The following FANCB variants were observed in gnomAD, a reference collection of about 807,000 sequenced individuals.
The protein encoded by FANCB is Fanconi anemia group B protein.
A neutral mutation model predicts 38.9 loss-of-function variants in FANCB; 5 were observed. The ratio of observed to expected loss-of-function variants is 0.13; its 90% CI spans 0.07 to 0.27. The LOEUF is 0.27. Among genes scored for constraint, FANCB ranks in the 10% least tolerant of loss-of-function variants. The pLI, the probability that FANCB is intolerant of heterozygous loss-of-function variation, is 1.00. For missense variants in FANCB, 573 were observed against 602.7 expected (o/e 0.95, Z 0.52); for synonymous variants, 236 against 215.4 (o/e 1.10, Z -0.84).
chrX:14,757,892 G>A, the FANCB span, among the ~76,000 whole-genome samples: 1 of 111,564 alleles, frequency 9.0e-6, no homozygotes, highest in Non-Finnish European at 1.9e-5. Flanking sequence ...GCAGGCAGGC[G>A]GCAGACGGAG....
At position 14,869,009 on chromosome X, in the gene FANCB, T is replaced by A. The variant is rs943631550; in HGVS notation, c.-157A>T. On this transcript the variant is annotated 5_prime_UTR_variant, in exon 2 of 10. Transcript: ENST00000650831. ...AGCTTCATCAGTAAAGAAGATAGGGTAGGTAAATCAAAGGTCTGGCTTGTA... is the reference window on the plus strand; with the variant it reads ...AGCTTCATCAGTAAAGAAGATAGGGAAGGTAAATCAAAGGTCTGGCTTGTA... 9.0e-6 allele frequency: 1 copy of A among 111,565 alleles called. No individual in the cohort carries two copies. Among genetic ancestry groups the A allele is most frequent in the Non-Finnish European group, 1.9e-5 (1 of 52,960 alleles). The allele number at this position is 111,565 out of a possible 1,213,427, so 9.2% of individuals were successfully genotyped here. A position where few individuals can be genotyped will look rare whatever the true frequency, so the allele number is the denominator to read the frequency against.
the FANCB span, among the ~76,000 whole-genome samples, chrX:14,705,391 T>G: frequency 8.9e-6 from 1 of 111,768 alleles, no homozygotes; most frequent in East Asian, 2.8e-4. Flanking sequence ...TTGGGGACTG[T>G]GTGTGTTGCT....
intron 10 of FANCB, among the ~76,000 whole-genome samples, chrX:14,837,864 CT>C (rs2092345242): frequency 8.9e-6 from 1 of 111,788 alleles, no homozygotes; most frequent in Admixed American, 9.4e-5. Context: ...ATTATTTAAC[CT>C]GTCTCAGTCT....
chrX:14,862,934 T>C (rs1009314887), intron 3 of FANCB, among the ~76,000 whole-genome samples: 1 of 112,181 alleles, frequency 8.9e-6, no homozygotes, highest in Non-Finnish European at 1.9e-5. Context: ...GTTTTTCCCC[T>C]ACCATTTCTT....
At chrX:14,726,337 A>G in the FANCB span, among the ~76,000 whole-genome samples, 1 of 112,333 alleles carries the variant, frequency 8.9e-6, no homozygotes, top group Non-Finnish European at 1.9e-5. Context: ...TGAATACCAT[A>G]AAGTTCTATA....
the FANCB span, among the ~76,000 whole-genome samples, chrX:14,741,562 G>C: frequency 6.3e-5 from 7 of 111,657 alleles, no homozygotes. Context: ...GGCACAAGAA[G>C]CACCAAGTGC....
the FANCB span, among the ~76,000 whole-genome samples, chrX:14,794,148 AGTCAAAGACAGCC>A: frequency 9.0e-6 from 1 of 111,648 alleles, no homozygotes; most frequent in Non-Finnish European, 1.9e-5. Context: ...CAGGTTGAAG[AGTCAAAGACAGCC>A]CCAGCCAAGG....
At chrX:14,855,564 G>C (rs1162173128) in intron 5 of FANCB, among the ~76,000 whole-genome samples, 1 of 111,627 alleles carries the variant, frequency 9.0e-6, no homozygotes, top group African/African-American at 3.3e-5. Context: ...AATTTGCTCT[G>C]TATCTCTTTC....
the FANCB span, among the ~76,000 whole-genome samples, chrX:14,791,552 C>G: frequency 1.0e-3 from 113 of 111,942 alleles, no homozygotes; most frequent in Non-Finnish European, 1.6e-3. Flanking sequence ...ACAGACACTG[C>G]TGTGTGAAAT....
chrX:14,690,681 G>C, the FANCB span: 2 of 979,538 alleles, frequency 2.0e-6, no homozygotes, highest in African/African-American at 1.9e-5. Context: ...CTCTCTCTGT[G>C]TGTGTGTGTG....
At chrX:14,712,935 T>C in the FANCB span, among the ~76,000 whole-genome samples, 1 of 112,055 alleles carries the variant, frequency 8.9e-6, no homozygotes, top group Admixed American at 9.5e-5. Flanking sequence ...AAGTTTCTCT[T>C]ACTGAAAAAT....
chrX:14,749,863 C>G, the FANCB span, among the ~76,000 whole-genome samples: 3 of 112,198 alleles, frequency 2.7e-5, 1 homozygote, highest in East Asian at 8.4e-4. Context: ...CACAAAGCTT[C>G]TGTGAAGGTT....
chrX:14,819,929 ACT>A, the FANCB span, among the ~76,000 whole-genome samples: 1 of 111,194 alleles, frequency 9.0e-6, no homozygotes, highest in African/African-American at 3.3e-5. Flanking sequence ...TAGCCGGAGT[ACT>A]CTCTCCAAAC....
chrX:14,753,447 G>C, the FANCB span, among the ~76,000 whole-genome samples: 1 of 112,320 alleles, frequency 8.9e-6, no homozygotes, highest in Non-Finnish European at 1.9e-5. Flanking sequence ...CATCCCAAAA[G>C]TCTGTGGCTT....
At chrX:14,799,272 CCA>C in the FANCB span, among the ~76,000 whole-genome samples, 1 of 112,080 alleles carries the variant, frequency 8.9e-6, no homozygotes, top group Non-Finnish European at 1.9e-5. Context: ...CAAAAAATCT[CCA>C]CACTTTCACT....
At chrX:14,719,687 C>G in the FANCB span, among the ~76,000 whole-genome samples, 1 of 111,735 alleles carries the variant, frequency 8.9e-6, no homozygotes, top group East Asian at 2.8e-4. Flanking sequence ...TCCAGCAATC[C>G]CAATACTGGC....
chrX:14,843,482 A>T lies in FANCB; in HGVS notation c.*85T>A. The T allele has an allele frequency of 1.6e-6, 1 of 632,274 alleles. No homozygotes were observed. Among genetic ancestry groups the T allele is most frequent in the Non-Finnish European group, 2.4e-6 (1 of 410,755 alleles). The allele number at this position is 632,274 out of a possible 1,213,427, so 52.1% of individuals were successfully genotyped here. ...ACAGTAAGCCTCGGTGTTTATTTTT[A>T]CAAAGGAGGCATATAGCAAGTAGAA... On this transcript the variant is annotated 3_prime_UTR_variant, in exon 10 of 10. Transcript: ENST00000650831.
At chrX:14,815,638 C>G in the FANCB span, among the ~76,000 whole-genome samples, 1 of 111,834 alleles carries the variant, frequency 8.9e-6, no homozygotes, top group Non-Finnish European at 1.9e-5. Flanking sequence ...AATAGAAGTA[C>G]AATTCGATCC....
chrX:14,770,216 A>C, the FANCB span, among the ~76,000 whole-genome samples: 1 of 111,985 alleles, frequency 8.9e-6, no homozygotes. Flanking sequence ...TGCCTTGATG[A>C]TCTGTCCAAT....
Sources: allele counts gnomAD v4.1 joint callset (sites outside exome capture counted in the v4.1 genomes callset), GRCh38; gene constraint gnomAD v4.1.1; transcripts MANE v1.5; gene names NCBI Gene and HGNC (gene_info 2026-07-23, HGNC 2026-07-21).